The following THADA variants were observed in gnomAD, a reference collection of about 807,000 sequenced individuals.
The protein encoded by THADA is tRNA (32-2'-O)-methyltransferase regulator THADA.
A neutral mutation model predicts 219.8 loss-of-function variants in THADA; 213 were observed. The ratio of observed to expected loss-of-function variants is 0.97; its 90% CI spans 0.87 to 1.09. The LOEUF (loss-of-function observed/expected upper bound fraction) is 1.09. Among genes scored for constraint, THADA ranks in the 50% least tolerant of loss-of-function variants. THADA has a pLI of 0.00. For synonymous variants in THADA, 1,018 were observed against 828.9 expected (o/e 1.23, Z -3.92); for missense variants, 2,956 against 2,311.3 (o/e 1.28, Z -5.72).
chr2:43,330,463 C>T (rs564406746), intron 30 of THADA, among the ~76,000 whole-genome samples: 6 of 152,168 alleles, frequency 3.9e-5, no homozygotes, highest in African/African-American at 1.2e-4. Flanking sequence ...TGGAGGTGGC[C>T]GAAACCCCAG....
chr2:43,493,581 C>T (rs568682815), intron 25 of THADA, among the ~76,000 whole-genome samples: 9 of 152,112 alleles, frequency 5.9e-5, no homozygotes, highest in Non-Finnish European at 5.9e-5. Context: ...CTGGGAAAGC[C>T]GAGAATTGCC....
At chr2:43,524,222 G>A (rs1692865652) in intron 22 of THADA, among the ~76,000 whole-genome samples, 1 of 152,226 alleles carries the variant, frequency 6.6e-6, no homozygotes, top group Non-Finnish European at 1.5e-5. Context: ...CACTATTTGT[G>A]TTATGTGTGT....
chr2:43,520,711 T>TACACAC (rs535751557), intron 22 of THADA, among the ~76,000 whole-genome samples: 3 of 131,366 alleles, frequency 2.3e-5, no homozygotes, highest in African/African-American at 6.3e-5. Flanking sequence ...CGTATATATA[T>TACACAC]ATACACACAC....
In THADA at chr2:43,574,739, C is replaced by A. The variant is rs182434450; in HGVS notation, c.1326G>T (p.Glu442Asp). 1.5e-5 allele frequency: 25 copies of A among 1,614,040 alleles called. No homozygotes were observed. The East Asian group carries it at 5.6e-4, about 36-fold the overall frequency. Residue 442 changes from glutamate (E) to aspartate (D), a missense_variant, in exon 11 of 38, where the codon GAG (glutamate) becomes GAT (aspartate). Transcript: ENST00000405975. ...TATGCCATTCCAATCGTAAAAGACT[C>A]TCAGTCAATTCCACAAAGAAAGGAT... is the stretch of plus-strand genomic sequence containing the variant. ...VPDPFFVELT[E>D]SLLRLEWHIK...
intron 22 of THADA, 86 bp downstream of exon 22, chr2:43,527,793 C>T: frequency 1.1e-6 from 1 of 940,712 alleles, no homozygotes; most frequent in Non-Finnish European, 1.6e-6. Flanking sequence ...TTTTAAACTT[C>T]AAAAGACACA....
At chr2:43,491,642 T>C (rs1238639783) in intron 25 of THADA, among the ~76,000 whole-genome samples, 1 of 152,196 alleles carries the variant, frequency 6.6e-6, no homozygotes, top group Non-Finnish European at 1.5e-5. Flanking sequence ...TAGCATGCTG[T>C]ACAGTTTGTA....
At chr2:43,528,126 CTT>C (rs367822642) in intron 21 of THADA, 138 bp from the exon 22 acceptor site, 6,574 of 161,308 alleles carry the variant, frequency 0.041, no homozygotes, top group South Asian at 0.087. Context: ...ATGTTTTAAG[CTT>C]TTTTTTTTTT....
At position 43,232,715 on chromosome 2, in the gene THADA, G is replaced by A; in HGVS notation, c.5464C>T (p.Gln1822Ter). The A allele has an allele frequency of 6.2e-7, 1 of 1,613,804 alleles. No homozygotes were observed. Among genetic ancestry groups the A allele is most frequent in the Non-Finnish European group, 8.5e-7 (1 of 1,179,774 alleles). The part of the protein sequence containing the change: ...DLVACVESMH[Q>*]VEEDYLFEKA... ...CTCCCCTGACACCCCGGGATCACCT[G>A]ATGCATGCTCTCCACACAGGCCACG... Residue 1822 changes from glutamine (Q) to a stop codon, truncating the protein, a stop_gained and splice_region_variant, in exon 37 of 38, where the codon CAG becomes TAG. Transcript: ENST00000405975. LOFTEE classifies it low-confidence loss of function (END_TRUNC).
intron 28 of THADA, 54 bp downstream of exon 28, chr2:43,428,046 T>G (rs192624223): frequency 9.6e-5 from 130 of 1,356,464 alleles, no homozygotes; most frequent in Non-Finnish European, 1.2e-4. Flanking sequence ...AGATAAAATA[T>G]TCCCGTAAAA....
At chr2:43,283,485 C>A (rs1673615897) in intron 35 of THADA, among the ~76,000 whole-genome samples, 1 of 152,204 alleles carries the variant, frequency 6.6e-6, no homozygotes, top group African/African-American at 2.4e-5. Flanking sequence ...TGGTTTTGAT[C>A]AAAATGCTGA....
At chr2:43,538,378 G>C (rs1481579358) in intron 21 of THADA, 1 of 152,170 alleles carries the variant, frequency 6.6e-6, no homozygotes, top group Non-Finnish European at 1.5e-5. Context: ...GGAACACTAT[G>C]AAAGAACCTT....
intron 22 of THADA, among the ~76,000 whole-genome samples, chr2:43,514,495 T>C (rs1470040951): frequency 9.0e-6 from 1 of 111,610 alleles, no homozygotes; most frequent in African/African-American, 3.8e-5. Context: ...ATACATAATA[T>C]ATACGTATAT....
At chr2:43,436,562 T>C (rs1342281966) in intron 26 of THADA, among the ~76,000 whole-genome samples, 3 of 152,190 alleles carry the variant, frequency 2.0e-5, no homozygotes, top group Non-Finnish European at 2.9e-5. Context: ...TCTCTGAATG[T>C]CCTTCCCTTT....
chr2:43,454,324 G>C (rs893721612), intron 26 of THADA, among the ~76,000 whole-genome samples: 4 of 152,106 alleles, frequency 2.6e-5, no homozygotes, highest in African/African-American at 9.7e-5. Flanking sequence ...AAATTAGCCA[G>C]GTTCAGTGGC....
intron 25 of THADA, among the ~76,000 whole-genome samples, chr2:43,487,785 C>A (rs1298368621): frequency 1.3e-5 from 2 of 152,150 alleles, no homozygotes; most frequent in Non-Finnish European, 2.9e-5. Flanking sequence ...GAAAGTAGGC[C>A]TTCACCAGAC....
At chr2:43,451,861 C>T (rs983851055) in intron 26 of THADA, among the ~76,000 whole-genome samples, 1 of 152,188 alleles carries the variant, frequency 6.6e-6, no homozygotes, top group Non-Finnish European at 1.5e-5. Flanking sequence ...AATCCCAGCA[C>T]TTCGGGAGGC....
chr2:43,576,917 G>A, intron 10 of THADA, 105 bp downstream of exon 10: 1 of 970,006 alleles, frequency 1.0e-6, no homozygotes, highest in Non-Finnish European at 1.6e-6. Flanking sequence ...AGCCTACTGG[G>A]AGGGTAGCTG....
chr2:43,565,226 T>G (rs1400222158), intron 15 of THADA: 2 of 151,924 alleles, frequency 1.3e-5, no homozygotes, highest in African/African-American at 4.8e-5. Flanking sequence ...CAACCTGAGG[T>G]CAGGAGTTCG....
At chr2:43,468,954 C>A (rs1158179379) in intron 26 of THADA, among the ~76,000 whole-genome samples, 1 of 152,178 alleles carries the variant, frequency 6.6e-6, no homozygotes, top group Non-Finnish European at 1.5e-5. Flanking sequence ...AAGTCTAGGT[C>A]TCCCTATCTC....
Sources: allele counts gnomAD v4.1 joint callset (sites outside exome capture counted in the v4.1 genomes callset), GRCh38; gene constraint gnomAD v4.1.1; transcripts MANE v1.5; gene names NCBI Gene and HGNC (gene_info 2026-07-23, HGNC 2026-07-21).